CDH2: variants seen among roughly 807,000 people sequenced by gnomAD.
The protein encoded by CDH2 is cadherin 2, also known as cadherin-2.
A neutral mutation model predicts 92.0 loss-of-function variants in CDH2; 17 were observed. That is an observed-to-expected ratio of 0.18 (90% confidence interval 0.13 to 0.28). CDH2 has a LOEUF of 0.28. CDH2 is among the 10% of genes least tolerant of loss of function. The pLI, the probability that CDH2 is intolerant of heterozygous loss-of-function variation, is 1.00. For synonymous variants in CDH2, 419 were observed against 415.9 expected, an observed-to-expected ratio of 1.01 and a Z score of -0.09; for missense variants, 862 against 1,133.1, an observed-to-expected ratio of 0.76 and a Z score of 3.44.
chr18:27,977,653 CA>C (rs1257993875), intron 14 of CDH2, among the ~76,000 whole-genome samples: 1 of 152,060 alleles, frequency 6.6e-6, no homozygotes, highest in African/African-American at 2.4e-5. Flanking sequence ...TAAACACAGT[CA>C]TTACCTGGCA....
At chr18:28,125,966 A>G (rs2015671046) in intron 2 of CDH2, among the ~76,000 whole-genome samples, 1 of 152,186 alleles carries the variant, frequency 6.6e-6, no homozygotes, top group Non-Finnish European at 1.5e-5. Context: ...GCTTACCTCA[A>G]GTATAGTATT....
chr18:27,958,649 C>T (rs1032807453), intron 15 of CDH2, among the ~76,000 whole-genome samples: 7 of 151,696 alleles, frequency 4.6e-5, no homozygotes, highest in Admixed American at 6.6e-5. Context: ...TGTATATGTG[C>T]GTGTGTGCAC....
chr18:28,131,689 T>TGTGTGTGTGTGC (rs1250188329), intron 2 of CDH2, among the ~76,000 whole-genome samples: 2 of 151,640 alleles, frequency 1.3e-5, no homozygotes, highest in Non-Finnish European at 2.9e-5. Context: ...TTGTGGTGTG[T>TGTGTGTGTGTGC]GTGTGTGTGT....
intron 2 of CDH2, among the ~76,000 whole-genome samples, chr18:28,021,680 ATAT>A (rs1263322611): frequency 6.6e-6 from 1 of 151,958 alleles, no homozygotes. Flanking sequence ...TCCTTATAAA[ATAT>A]TAACAAGAAA....
chr18:28,049,130 T>G (rs868532933), intron 2 of CDH2, among the ~76,000 whole-genome samples: 1 of 152,020 alleles, frequency 6.6e-6, no homozygotes, highest in Non-Finnish European at 1.5e-5. Context: ...ATTGGAAAAC[T>G]TTTCAAGCAG....
In CDH2 at chr18:27,963,483, C is replaced by G; in HGVS notation, c.2388G>C (p.Val796=). 6.2e-7 allele frequency: 1 copy of G among 1,614,042 alleles called. No homozygotes were observed. Among genetic ancestry groups the G allele is most frequent in the Non-Finnish European group, 8.5e-7 (1 of 1,180,004 alleles). ...CCACAGGCTTGATGGCATCAGGCTC[C>G]ACAGTGTCAGGCTGCTGCAGCTGGC... ...DLSQLQQPDT[V]EPDAIKPVGI... The change falls in exon 15 of 16, where the codon GTG becomes GTC. Residue 796 remains valine, a synonymous_variant. Transcript: ENST00000269141.
intron 2 of CDH2, among the ~76,000 whole-genome samples, chr18:28,135,495 A>C (rs2144304135): frequency 6.6e-6 from 1 of 152,334 alleles, no homozygotes; most frequent in South Asian, 2.1e-4. Context: ...ACTCTCTACT[A>C]ATCTGTTAAT....
intron 2 of CDH2, among the ~76,000 whole-genome samples, chr18:28,077,708 T>C (rs1458342288): frequency 6.6e-6 from 1 of 151,726 alleles, no homozygotes; most frequent in Non-Finnish European, 1.5e-5. Context: ...CTGGCCAACA[T>C]GGTGAAACCC....
At chr18:28,124,270 A>G (rs551456728) in intron 2 of CDH2, among the ~76,000 whole-genome samples, 73 of 152,246 alleles carry the variant, frequency 4.8e-4, no homozygotes, top group African/African-American at 1.7e-3. Context: ...ATTTGGAAGG[A>G]CATTATTTTC....
At chr18:28,138,650 C>T (rs1459977374) in intron 2 of CDH2, among the ~76,000 whole-genome samples, 1 of 152,046 alleles carries the variant, frequency 6.6e-6, no homozygotes, top group Non-Finnish European at 1.5e-5. Flanking sequence ...TAAGTTCCTA[C>T]TACAGGGATT....
At chr18:28,023,937 T>C (rs924729456) in intron 2 of CDH2, among the ~76,000 whole-genome samples, 4 of 152,128 alleles carry the variant, frequency 2.6e-5, no homozygotes, top group African/African-American at 7.2e-5. Context: ...AGTGAACATA[T>C]AGGCTGGTAA....
intron 6 of CDH2, among the ~76,000 whole-genome samples, chr18:27,944,878 C>T (rs2143839185): frequency 6.6e-6 from 1 of 152,036 alleles, no homozygotes; most frequent in Non-Finnish European, 1.5e-5. Flanking sequence ...GATCATGCCA[C>T]CGCACTCCAG....
intron 2 of CDH2, among the ~76,000 whole-genome samples, chr18:28,076,358 C>T (rs2014718675): frequency 6.6e-6 from 1 of 152,116 alleles, no homozygotes; most frequent in Non-Finnish European, 1.5e-5. Context: ...GAGCAAGGCA[C>T]TTTACTTCAC....
intron 15 of CDH2, among the ~76,000 whole-genome samples, chr18:27,961,061 CACACACACACAAACAA>C (rs1420706476): frequency 8.6e-5 from 13 of 151,110 alleles, no homozygotes; most frequent in African/African-American, 2.7e-4. Context: ...TAGACATAGA[CACACACACACAAACAA>C]ACACACACTC....
At chr18:28,151,770 T>TC (rs1339370529) in intron 1 of CDH2, among the ~76,000 whole-genome samples, 2 of 152,166 alleles carry the variant, frequency 1.3e-5, no homozygotes, top group Non-Finnish European at 2.9e-5. Flanking sequence ...AACATACATT[T>TC]CCCTAATATT....
At chr18:27,936,660 G>T (rs1193038317) in intron 6 of CDH2, among the ~76,000 whole-genome samples, 1 of 152,122 alleles carries the variant, frequency 6.6e-6, no homozygotes, top group Non-Finnish European at 1.5e-5. Context: ...ATCCTGAGTA[G>T]CTGAGACTTC....
At chr18:28,069,229 A>C (rs2014570103) in intron 2 of CDH2, among the ~76,000 whole-genome samples, 1 of 152,184 alleles carries the variant, frequency 6.6e-6, no homozygotes, top group African/African-American at 2.4e-5. Flanking sequence ...GATCACACTA[A>C]TGCCAACCTT....
chr18:28,115,344 T>A (rs2144261489), intron 2 of CDH2, among the ~76,000 whole-genome samples: 1 of 152,294 alleles, frequency 6.6e-6, no homozygotes. Context: ...TCCCCTGTTC[T>A]CCAGACCCTC....
intron 3 of CDH2, among the ~76,000 whole-genome samples, chr18:28,013,359 T>G (rs2013151500): frequency 6.6e-6 from 1 of 152,198 alleles, no homozygotes; most frequent in Admixed American, 6.5e-5. Flanking sequence ...TGATGACATC[T>G]TGTAAAGAAT....
Sources: gnomAD v4.1 joint callset for allele counts (sites outside exome capture counted in the v4.1 genomes callset) on GRCh38, gnomAD v4.1.1 for gene constraint, MANE v1.5 for transcripts, NCBI Gene and HGNC (gene_info 2026-07-23, HGNC 2026-07-21) for gene names.